The following TBCD variants were observed in gnomAD, a reference collection of about 807,000 sequenced individuals.
TBCD encodes tubulin folding cofactor D, also known as tubulin-specific chaperone D.
TBCD carries 105 observed loss-of-function variants against 169.3 expected under a neutral mutation model. That is an observed-to-expected ratio of 0.62 (90% confidence interval 0.53 to 0.73). TBCD has a LOEUF of 0.73. Among genes scored for constraint, TBCD ranks in the 30% least tolerant of loss-of-function variants. TBCD has a pLI of 0.00. For missense variants in TBCD, 1,444 were observed against 1,600.1 expected (o/e 0.90, Z 1.66); for synonymous variants, 700 against 643.9 (o/e 1.09, Z -1.32).
At chr17:82,838,429 GC>G (rs1394431827) in intron 13 of TBCD, among the ~76,000 whole-genome samples, 2 of 152,138 alleles carry the variant, frequency 1.3e-5, no homozygotes, top group African/African-American at 4.8e-5. Context: ...TGCTTGTCAT[GC>G]GTCCTAACCT....
Position 82,832,363 on chromosome 17 carries a change from G to A in TBCD, c.1318+17429G>A. ...ATGTGACTTCTCATTGCAAGTAAAG[G>A]GACATTGGAAACATTTATACTTGAA... On this transcript the variant is annotated intron_variant, in intron 13 of 38. Transcript: ENST00000355528. This position sits in a 1 kb window ranked among gnomAD's most constrained non-coding sequence, Gnocchi z 4.9. 2.5e-6 allele frequency: 4 copies of A among 1,614,206 alleles called. No individual in the cohort carries two copies. The highest frequency in any genetic ancestry group is 3.4e-6 in the Non-Finnish European group (4 of 1,180,032).
intron 14 of TBCD, among the ~76,000 whole-genome samples, chr17:82,879,059 C>CTTT (rs58480407): frequency 1.8e-5 from 2 of 113,990 alleles, no homozygotes; most frequent in African/African-American, 3.4e-5. Flanking sequence ...AGATCCTGTT[C>CTTT]TTTTTTTTTT....
rs687999 is a variant in TBCD at position 82,806,556 on chromosome 17, C to T, written c.1087+545C>T. ...CACACACTGTCCTGCCCTCCTGCCGCGGTTGGATGAAGTCTTCCCTGGACC... is the reference window on the plus strand; with the variant it reads ...CACACACTGTCCTGCCCTCCTGCCGTGGTTGGATGAAGTCTTCCCTGGACC... On this transcript the variant is annotated intron_variant, in intron 10 of 38. Coordinates refer to ENST00000355528, the MANE Select transcript of TBCD (RefSeq NM_005993.5). This position sits in a 1 kb window ranked among gnomAD's most constrained non-coding sequence, Gnocchi z 5.1. Among the ~76,000 whole-genome samples the T allele has an allele frequency of 0.38, 57,924 of 151,944 alleles. 11,166 individuals carry two copies. The highest frequency in any genetic ancestry group is 0.42 in the Middle Eastern group (123 of 292).
intron 37 of TBCD, among the ~76,000 whole-genome samples, chr17:82,940,244 C>CA (rs1555673038): frequency 6.6e-6 from 1 of 150,812 alleles, no homozygotes; most frequent in East Asian, 1.9e-4. Context: ...CACACACACA[C>CA]ACTTCTAAAA....
At chr17:82,793,122 TTTATTTTGTCAGAAAC>T (rs1310192397) in intron 7 of TBCD, among the ~76,000 whole-genome samples, 2 of 152,246 alleles carry the variant, frequency 1.3e-5, no homozygotes, top group Non-Finnish European at 2.9e-5. Flanking sequence ...TTGTCAGAAA[TTTATTTTGTCAGAAAC>T]AGTATATTTT....
chr17:82,900,439 C>T (rs1349778884), intron 17 of TBCD: 8 of 507,166 alleles, frequency 1.6e-5, no homozygotes, highest in Non-Finnish European at 2.8e-5. Flanking sequence ...CGCCGTTACA[C>T]ATGAAGCTGT....
intron 13 of TBCD, among the ~76,000 whole-genome samples, chr17:82,869,070 A>C (rs1053386314): frequency 1.3e-5 from 2 of 151,992 alleles, no homozygotes; most frequent in African/African-American, 4.8e-5. Context: ...CCTGGGGAGG[A>C]GTGCTTATCT....
intron 13 of TBCD, among the ~76,000 whole-genome samples, chr17:82,839,631 A>G (rs764312702): frequency 2.3e-4 from 35 of 152,356 alleles, no homozygotes; most frequent in Admixed American, 7.8e-4. Context: ...GGAGCAGTTA[A>G]GCAATAATAT....
intron 20 of TBCD, among the ~76,000 whole-genome samples, chr17:82,907,205 C>T (rs769179043): frequency 1.3e-5 from 2 of 152,266 alleles, no homozygotes; most frequent in African/African-American, 4.8e-5. Context: ...TTGGTCCAGG[C>T]CCCCGCATGC....
At chr17:82,800,197 C>G (rs184722280) in intron 8 of TBCD, among the ~76,000 whole-genome samples, 1 of 152,312 alleles carries the variant, frequency 6.6e-6, no homozygotes, top group African/African-American at 2.4e-5. Flanking sequence ...GCACTTCCAC[C>G]CCAGCCCTTG....
chr17:82,763,055 C>T lies in TBCD; in HGVS notation c.236-910C>T, dbSNP rs548602728. On this transcript the variant is annotated intron_variant, in intron 2 of 38. Transcript: ENST00000355528. ...GTTCTGTTGTTGGGTAGATTGTTCT[C>T]TAAATGTCACGTAAGTAAGGTGGGT... Among the ~76,000 whole-genome samples the T allele has an allele frequency of 2.0e-5, 3 of 152,248 alleles. No homozygotes were observed. The South Asian group carries it at 6.2e-4, about 32-fold the overall frequency.
chr17:82,938,175 G>T (rs111422766), intron 36 of TBCD, 39 bp downstream of exon 36: 6 of 1,584,206 alleles, frequency 3.8e-6, no homozygotes, highest in Non-Finnish European at 5.2e-6. Context: ...TTGCCGTGTG[G>T]ACACAAGCCC....
intron 6 of TBCD, among the ~76,000 whole-genome samples, chr17:82,775,610 G>A (rs2048547862): frequency 6.6e-6 from 1 of 151,890 alleles, no homozygotes; most frequent in African/African-American, 2.4e-5. Context: ...CGTCTCCCTT[G>A]ATTAACTGAG....
At chr17:82,812,152 G>A (rs1598648223) in intron 12 of TBCD, among the ~76,000 whole-genome samples, 1 of 152,142 alleles carries the variant, frequency 6.6e-6, no homozygotes, top group African/African-American at 2.4e-5. Flanking sequence ...GTGCCTTGGA[G>A]AGGAGTGTGT....
rs9895409 is a variant in TBCD, at chr17:82,944,843, C to T, written c.*2380C>T. 0.25 allele frequency: 38,363 copies of T among 152,034 alleles called. 5,043 individuals are homozygous for T. The highest frequency in any genetic ancestry group is 0.43 in the East Asian group (2,223 of 5,168). 9.4% of individuals were successfully genotyped at this position (152,034 alleles called of 1,614,324 possible). On this transcript the variant is annotated 3_prime_UTR_variant, in exon 39 of 39. Coordinates refer to ENST00000355528, the MANE Select transcript of TBCD (RefSeq NM_005993.5). ...CAGAATGGATGAGAGAATTTAAGGC[C>T]CAGGGCCAGATCTAATGGACCACTA...
intron 13 of TBCD, among the ~76,000 whole-genome samples, chr17:82,841,842 C>G (rs2054551106): frequency 6.6e-6 from 1 of 152,142 alleles, no homozygotes; most frequent in South Asian, 2.1e-4. Flanking sequence ...GACAGCTTTA[C>G]TCACCTGCCT....
chr17:82,856,826 G>T (rs1374258204), intron 13 of TBCD, among the ~76,000 whole-genome samples: 1 of 135,656 alleles, frequency 7.4e-6, no homozygotes, highest in Non-Finnish European at 1.6e-5. Context: ...GCTGGACCGC[G>T]TGCGGACCCT....
At chr17:82,865,001 G>A (rs1028977654) in intron 13 of TBCD, among the ~76,000 whole-genome samples, 1 of 152,230 alleles carries the variant, frequency 6.6e-6, no homozygotes, top group Non-Finnish European at 1.5e-5. Context: ...GTGCAGCGTT[G>A]CAGGTGCAGC....
At chr17:82,911,702 T>C in intron 22 of TBCD, 56 bp from the exon 23 acceptor site, 2 of 1,550,508 alleles carry the variant, frequency 1.3e-6, no homozygotes, top group Non-Finnish European at 1.8e-6. Flanking sequence ...GCATATTTCA[T>C]GGTGTTTTAT....
Sources: allele counts gnomAD v4.1 joint callset (sites outside exome capture counted in the v4.1 genomes callset), GRCh38; gene constraint gnomAD v4.1.1; non-coding constraint Gnocchi (gnomAD v3.1); transcripts MANE v1.5; gene names NCBI Gene and HGNC (gene_info 2026-07-23, HGNC 2026-07-21).